The following ARHGAP15 variants were observed in gnomAD, a reference collection of about 807,000 sequenced individuals.
ARHGAP15 encodes the protein Rho GTPase activating protein 15.
In ARHGAP15, 51 loss-of-function variants were observed where a neutral mutation model predicts 63.7. The ratio of observed to expected loss-of-function variants is 0.80; its 90% CI spans 0.64 to 1.01. The LOEUF (loss-of-function observed/expected upper bound fraction) is 1.01, where lower values mean the gene tolerates loss of function less well. Among genes scored for constraint, ARHGAP15 ranks in the 50% least tolerant of loss-of-function variants. ARHGAP15 has a pLI of 0.00. For missense variants in ARHGAP15, 560 were observed against 564.6 expected (o/e 0.99, Z 0.08); for synonymous variants, 191 against 193.8 (o/e 0.99, Z 0.12).
At chr2:143,666,342 G>A (rs995948691) in intron 12 of ARHGAP15, among the ~76,000 whole-genome samples, 3 of 152,044 alleles carry the variant, frequency 2.0e-5, no homozygotes, top group African/African-American at 7.2e-5. Flanking sequence ...TTAATAAATG[G>A]TGCTGGGATA....
At chr2:143,306,102 G>A (rs1400588976) in intron 6 of ARHGAP15, among the ~76,000 whole-genome samples, 1 of 151,868 alleles carries the variant, frequency 6.6e-6, no homozygotes, top group Non-Finnish European at 1.5e-5. Flanking sequence ...AAATCTTTTG[G>A]AACAATCTCA....
At chr2:143,184,255 T>A (rs141725890) in intron 2 of ARHGAP15, among the ~76,000 whole-genome samples, 82 of 152,342 alleles carry the variant, frequency 5.4e-4, no homozygotes, top group African/African-American at 1.9e-3. Flanking sequence ...CTGTATAATA[T>A]GACCTCAACA....
chr2:143,174,003 T>G (rs190487313), intron 2 of ARHGAP15, among the ~76,000 whole-genome samples: 33 of 152,246 alleles, frequency 2.2e-4, no homozygotes, highest in East Asian at 2.1e-3. Context: ...ATGCATTCTC[T>G]TATTGAACGA....
At chr2:143,457,203 C>T (rs911167001) in intron 8 of ARHGAP15, among the ~76,000 whole-genome samples, 2 of 151,886 alleles carry the variant, frequency 1.3e-5, no homozygotes, top group African/African-American at 2.4e-5. Flanking sequence ...CAAATGAGCA[C>T]CAGAATATAA....
At chr2:143,655,216 G>A (rs377050078) in intron 12 of ARHGAP15, among the ~76,000 whole-genome samples, 3 of 152,060 alleles carry the variant, frequency 2.0e-5, no homozygotes, top group Admixed American at 6.5e-5. Flanking sequence ...CCCATCTCCC[G>A]AGCAGTATAC....
At chr2:143,270,802 A>G (rs1681240998) in intron 6 of ARHGAP15, among the ~76,000 whole-genome samples, 2 of 152,214 alleles carry the variant, frequency 1.3e-5, no homozygotes, top group Admixed American at 1.3e-4. Context: ...TGGTATGGAA[A>G]CAACCTGATT....
At chr2:143,277,306 CTT>C (rs1455184060) in intron 6 of ARHGAP15, among the ~76,000 whole-genome samples, 2 of 151,340 alleles carry the variant, frequency 1.3e-5, no homozygotes, top group African/African-American at 4.9e-5. Flanking sequence ...TTTCTTATTT[CTT>C]TAGTGTAACT....
Position 143,239,157 on chromosome 2 carries a change from A to G in ARHGAP15, c.384+10489A>G, listed in dbSNP as rs1449082969. Among the ~76,000 whole-genome samples, 4 of 152,084 alleles carry G rather than the reference A, an allele frequency of 2.6e-5. No individual in the cohort carries two copies. The East Asian group carries it at 7.8e-4, about 30-fold the overall frequency. On this transcript the variant is annotated intron_variant, in intron 5 of 13. Coordinates refer to ENST00000295095, the MANE Select transcript of ARHGAP15 (RefSeq NM_018460.4). ...ACATTTAACTATGTAACAAACCTGC[A>G]CATCCTGCACATGTACCCTGAACCT...
chr2:143,462,137 G>A (rs182890848), intron 8 of ARHGAP15, among the ~76,000 whole-genome samples: 98 of 152,212 alleles, frequency 6.4e-4, no homozygotes, highest in South Asian at 1.2e-3. Context: ...TCCAGCCTGG[G>A]CAATAGAGCC....
intron 12 of ARHGAP15, among the ~76,000 whole-genome samples, chr2:143,642,738 G>C (rs1465860752): frequency 1.3e-5 from 2 of 152,094 alleles, no homozygotes; most frequent in Non-Finnish European, 2.9e-5. Flanking sequence ...AGACAAAAAT[G>C]CAGTGTTTGG....
At chr2:143,675,657 T>A (rs1471052291) in intron 12 of ARHGAP15, among the ~76,000 whole-genome samples, 1 of 152,144 alleles carries the variant, frequency 6.6e-6, no homozygotes, top group Non-Finnish European at 1.5e-5. Flanking sequence ...CTCTGAGCAG[T>A]AGGACTCAAC....
intron 6 of ARHGAP15, among the ~76,000 whole-genome samples, chr2:143,356,422 A>C (rs180843966): frequency 6.6e-6 from 1 of 152,106 alleles, no homozygotes; most frequent in Non-Finnish European, 1.5e-5. Flanking sequence ...TTCCCCCACC[A>C]TGATCTTTTA....
intron 6 of ARHGAP15, among the ~76,000 whole-genome samples, chr2:143,342,900 T>C (rs1007746781): frequency 2.1e-5 from 3 of 144,944 alleles, no homozygotes; most frequent in Admixed American, 7.4e-5. Context: ...TTCCTTGTTT[T>C]AATCTTTTTT....
chr2:143,202,298 T>C, intron 3 of ARHGAP15, 96 bp downstream of exon 3: 1 of 1,003,148 alleles, frequency 1.0e-6, no homozygotes, highest in Non-Finnish European at 1.6e-6. Flanking sequence ...TTATCTCATT[T>C]TTCTGTGGGT....
chr2:143,243,002 C>A (rs890553085), intron 5 of ARHGAP15, among the ~76,000 whole-genome samples: 2 of 152,142 alleles, frequency 1.3e-5, no homozygotes, highest in African/African-American at 2.4e-5. Context: ...GCGCTAATAA[C>A]CTATTTCATA....
intron 11 of ARHGAP15, among the ~76,000 whole-genome samples, chr2:143,571,329 G>C (rs1170094389): frequency 6.6e-6 from 1 of 152,104 alleles, no homozygotes; most frequent in Non-Finnish European, 1.5e-5. Flanking sequence ...CCACGAAACT[G>C]GTCCCTGGTG....
chr2:143,220,209 C>T lies in ARHGAP15; in HGVS notation c.296+3764C>T, dbSNP rs1020551126. On this transcript the variant is annotated intron_variant, in intron 4 of 13. Transcript: ENST00000295095. ...TTGCAATATTTCTCCTGTTGCTTGT[C>T]AATTTTTCTTTTATATTTTTGTCTG... is the stretch of plus-strand genomic sequence containing the variant. Among the ~76,000 whole-genome samples, 10 of 151,980 alleles carry T rather than the reference C, an allele frequency of 6.6e-5. No homozygotes were observed. In the East Asian group the frequency reaches 1.4e-3, roughly 21 times the overall value.
intron 10 of ARHGAP15, among the ~76,000 whole-genome samples, chr2:143,525,379 C>T (rs1694225994): frequency 6.7e-6 from 1 of 148,670 alleles, no homozygotes; most frequent in African/African-American, 2.5e-5. Context: ...ATCAAGAGTA[C>T]AAGATAAGCA....
chr2:143,308,190 T>C (rs1683265233), intron 6 of ARHGAP15, among the ~76,000 whole-genome samples: 1 of 152,124 alleles, frequency 6.6e-6, no homozygotes, highest in Admixed American at 6.6e-5. Flanking sequence ...ACTTAATTGA[T>C]TCAATAAAAA....
Sources: allele counts gnomAD v4.1 joint callset (sites outside exome capture counted in the v4.1 genomes callset), GRCh38; gene constraint gnomAD v4.1.1; transcripts MANE v1.5; gene names NCBI Gene and HGNC (gene_info 2026-07-23, HGNC 2026-07-21).